ATP9A: variants seen among roughly 807,000 people sequenced by gnomAD.
The protein encoded by ATP9A is probable phospholipid-transporting ATPase IIA.
A neutral mutation model predicts 144.1 loss-of-function variants in ATP9A; 52 were observed. That is an observed-to-expected ratio of 0.36 (90% confidence interval 0.29 to 0.45). The LOEUF is 0.45. Among genes scored for constraint, ATP9A ranks in the 20% least tolerant of loss-of-function variants. ATP9A has a pLI of 1.00. For synonymous variants in ATP9A, 582 were observed against 557.4 expected, an observed-to-expected ratio of 1.04 and a Z score of -0.62; for missense variants, 947 against 1,392.7, an observed-to-expected ratio of 0.68 and a Z score of 5.09.
intron 15 of ATP9A, among the ~76,000 whole-genome samples, chr20:51,630,330 C>A (rs6126273): frequency 6.6e-6 from 1 of 152,178 alleles, no homozygotes. Context: ...TACCTTGTGC[C>A]TAAATTTTGC....
intron 15 of ATP9A, among the ~76,000 whole-genome samples, chr20:51,638,114 T>C (rs1350137755): frequency 1.1e-4 from 13 of 114,124 alleles, no homozygotes; most frequent in Non-Finnish European, 1.6e-4. Context: ...TATATATATA[T>C]ATATATATAT....
intron 14 of ATP9A, among the ~76,000 whole-genome samples, chr20:51,646,138 T>G (rs1367395513): frequency 1.3e-5 from 2 of 152,222 alleles, no homozygotes; most frequent in East Asian, 3.8e-4. Context: ...CACCTTTCCC[T>G]GCCTCAAATG....
At chr20:51,656,754 CAAGGCTATTCTTTTTAGAGGA>C (rs2077388377) in intron 14 of ATP9A, among the ~76,000 whole-genome samples, 163 bp downstream of exon 14, 1 of 152,102 alleles carries the variant, frequency 6.6e-6, no homozygotes, top group Non-Finnish European at 1.5e-5. Context: ...ACCTCAAGTC[CAAGGCTATTCTTTTTAGAGGA>C]AAGGCGTTTC....
chr20:51,704,724 G>A (rs952565444), intron 4 of ATP9A, among the ~76,000 whole-genome samples: 1 of 152,212 alleles, frequency 6.6e-6, no homozygotes, highest in African/African-American at 2.4e-5. Flanking sequence ...AGGTTGTGGT[G>A]AGCCGAGATC....
chr20:51,710,325 T>C (rs923364139), intron 4 of ATP9A, among the ~76,000 whole-genome samples: 1 of 151,956 alleles, frequency 6.6e-6, no homozygotes, highest in African/African-American at 2.4e-5. Flanking sequence ...AAAAACTTCA[T>C]GTGATAGAAA....
Position 51,622,143 on chromosome 20 carries a change from C to A in ATP9A, c.2046G>T (p.Glu682Asp), listed in dbSNP as rs769608162. 26 of 1,613,998 alleles carry A rather than the reference C, an allele frequency of 1.6e-5. No individual in the cohort carries two copies. In the Admixed American group the frequency reaches 4.3e-4, roughly 27 times the overall value. Residue 682 changes from glutamate (E) to aspartate (D), a missense_variant, in exon 19 of 28, where the codon GAG becomes GAT. By Grantham distance (45) the Glu-to-Asp change is conservative. Coordinates refer to ENST00000338821, the MANE Select transcript of ATP9A (RefSeq NM_006045.3). ...CATTCTTCGCTGTGCACGTAGCTGT[C>A]TCCAGCTTGTCCCCTGTCAGCATCC... Reference protein sequence around the residue: ...KVWMLTGDKLETATCTAKNAH... With the variant: ...KVWMLTGDKLDTATCTAKNAH...
chr20:51,610,232 A>C (rs1335416300), intron 23 of ATP9A, 67 bp from the exon 24 acceptor site: 5 of 1,303,920 alleles, frequency 3.8e-6, no homozygotes, highest in Non-Finnish European at 5.5e-6. Flanking sequence ...TACAGAATAA[A>C]AATAACACCT....
At chr20:51,632,984 C>T (rs1472266465) in intron 15 of ATP9A, among the ~76,000 whole-genome samples, 2 of 151,990 alleles carry the variant, frequency 1.3e-5, no homozygotes, top group Admixed American at 6.6e-5. Context: ...ATGAGCCAGG[C>T]GTGGTGGCAG....
intron 1 of ATP9A, among the ~76,000 whole-genome samples, chr20:51,767,439 G>A (rs1337225484): frequency 7.2e-6 from 1 of 138,556 alleles, no homozygotes; most frequent in Non-Finnish European, 1.5e-5. Flanking sequence ...GTAAGTCTAT[G>A]GCAGGCGATA....
At chr20:51,766,520 G>A (rs928934971) in intron 1 of ATP9A, among the ~76,000 whole-genome samples, 6 of 152,128 alleles carry the variant, frequency 3.9e-5, no homozygotes. Context: ...ACTGTTCCAG[G>A]CATAGTGTTC....
chr20:51,711,949 A>C (rs1339616248), intron 4 of ATP9A, among the ~76,000 whole-genome samples: 1 of 141,794 alleles, frequency 7.1e-6, no homozygotes, highest in Non-Finnish European at 1.5e-5. Context: ...TCCGCCTCCT[A>C]GGTTCAAGTG....
Position 51,600,006 on chromosome 20 carries a change from T to C in ATP9A, c.*1205A>G, listed in dbSNP as rs531996137. ...GCTTTATAAGAAACATGCCGGCATG[T>C]AGTCCATCCTGGGAGGGGAGAAATC... On this transcript the variant is annotated 3_prime_UTR_variant, in exon 28 of 28. Coordinates refer to ENST00000338821, the MANE Select transcript of ATP9A (RefSeq NM_006045.3). 1 of 152,298 alleles carries C rather than the reference T, an allele frequency of 6.6e-6. No individual in the cohort carries two copies. Among genetic ancestry groups the C allele is most frequent in the Admixed American group, 6.5e-5 (1 of 15,300 alleles). 9.4% of individuals were successfully genotyped at this position (152,298 alleles called of 1,614,324 possible).
rs147175670 is a variant in ATP9A, at chr20:51,653,567, C to G, written c.1506+3371G>C. On this transcript the variant is annotated intron_variant, in intron 14 of 27. Transcript: ENST00000338821. Reference sequence around the variant, plus strand: ...TTAGGAGGCTGAGGCAGAGAGATCACTTAAGCTCAGGAGTTTGAGACCAGC... The same window carrying G: ...TTAGGAGGCTGAGGCAGAGAGATCAGTTAAGCTCAGGAGTTTGAGACCAGC... Among the ~76,000 whole-genome samples the G allele has an allele frequency of 2.2e-3, 340 of 152,258 alleles. 4 individuals carry two copies. The highest frequency in any genetic ancestry group is 0.011 in the East Asian group (57 of 5,178).
intron 17 of ATP9A, among the ~76,000 whole-genome samples, chr20:51,625,782 C>T (rs138896682): frequency 6.6e-6 from 1 of 152,334 alleles, no homozygotes; most frequent in East Asian, 1.9e-4. Context: ...AAGACCAAGT[C>T]GAGCTTCTGA....
intron 22 of ATP9A, 148 bp from the exon 23 acceptor site, chr20:51,613,980 G>A: frequency 1.4e-6 from 1 of 730,572 alleles, no homozygotes; most frequent in Non-Finnish European, 2.1e-6. Context: ...TGCAGTTGGT[G>A]GTCCAAGTCT....
At chr20:51,685,851 C>T (rs1431397155) in intron 9 of ATP9A, among the ~76,000 whole-genome samples, 1 of 152,154 alleles carries the variant, frequency 6.6e-6, no homozygotes, top group Non-Finnish European at 1.5e-5. Flanking sequence ...TTTGACCCAG[C>T]CATCCCATTA....
intron 10 of ATP9A, among the ~76,000 whole-genome samples, chr20:51,674,840 A>G (rs1156845062): frequency 6.6e-6 from 1 of 152,152 alleles, no homozygotes; most frequent in Non-Finnish European, 1.5e-5. Context: ...TTATTTATTT[A>G]GAGATGGAGT....
intron 13 of ATP9A, among the ~76,000 whole-genome samples, chr20:51,661,984 T>C (rs1238063608): frequency 6.6e-6 from 1 of 152,214 alleles, no homozygotes; most frequent in Non-Finnish European, 1.5e-5. Context: ...GGAGACATAA[T>C]TGGTTGTCAC....
At chr20:51,640,106 C>T (rs1411320738) in intron 14 of ATP9A, among the ~76,000 whole-genome samples, 1 of 151,992 alleles carries the variant, frequency 6.6e-6, no homozygotes, top group Non-Finnish European at 1.5e-5. Context: ...CACACCACCC[C>T]CACTCCGAAA....
Sources: allele counts gnomAD v4.1 joint callset (sites outside exome capture counted in the v4.1 genomes callset), GRCh38; gene constraint gnomAD v4.1.1; transcripts MANE v1.5; gene names NCBI Gene and HGNC (gene_info 2026-07-23, HGNC 2026-07-21).